OXNAD1: variants seen among roughly 807,000 people sequenced by gnomAD.
OXNAD1 encodes oxidoreductase NAD binding domain containing 1, also known as oxidoreductase NAD-binding domain-containing protein 1.
In OXNAD1, 34 loss-of-function variants were observed where a neutral mutation model predicts 32.9. The ratio of observed to expected loss-of-function variants is 1.03; its 90% CI spans 0.79 to 1.38. OXNAD1 has a LOEUF of 1.38. Ranked by LOEUF, OXNAD1 falls within the 40% of genes most tolerant of loss-of-function variation. The pLI is 0.00. For missense variants in OXNAD1, 407 were observed against 379.4 expected (o/e 1.07, Z -0.60); for synonymous variants, 134 against 135.2 (o/e 0.99, Z 0.06).
At chr3:16,337,535 A>C (rs997178173), downstream of OXNAD1, among the ~76,000 whole-genome samples, 5 of 152,106 alleles carry the variant, frequency 3.3e-5, no homozygotes, top group African/African-American at 1.2e-4. This position sits in a 1 kb window ranked among gnomAD's most constrained non-coding sequence, Gnocchi z 5.0. Context: ...TGAGGTCAGG[A>C]GATCGAGACC....
At chr3:16,283,053 A>T (rs1470832655) in intron 4 of OXNAD1, among the ~76,000 whole-genome samples, 15 of 152,048 alleles carry the variant, frequency 9.9e-5, no homozygotes, top group Admixed American at 9.8e-4. Flanking sequence ...AAATTTATGG[A>T]ATTTGGCTGT....
rs1052236364 is a variant in OXNAD1 at position 16,317,919 on chromosome 3, G to T, written c.*30+14327G>T. Among the ~76,000 whole-genome samples the T allele has an allele frequency of 1.3e-5, 2 of 152,158 alleles. No individual in the cohort carries two copies. Among genetic ancestry groups the T allele is most frequent in the Non-Finnish European group, 2.9e-5 (2 of 68,032 alleles). On this transcript the variant is annotated intron_variant, in intron 9 of 9. Transcript: ENST00000435829. This position sits in a 1 kb window ranked among gnomAD's most constrained non-coding sequence, Gnocchi z 4.3. ...GCCATCCCAGCTCCAAGCCAACCTGGGGGATTGTGACTGCATCACAGCCCA... is the reference window on the plus strand; with the variant it reads ...GCCATCCCAGCTCCAAGCCAACCTGTGGGATTGTGACTGCATCACAGCCCA...
At chr3:16,333,195 T>A (rs1306764436) in intron 9 of OXNAD1, among the ~76,000 whole-genome samples, 1 of 152,098 alleles carries the variant, frequency 6.6e-6, no homozygotes, top group Non-Finnish European at 1.5e-5. Flanking sequence ...AACAGCTAAA[T>A]CACCAACAAA....
rs2066289041 is a variant in OXNAD1 at position 16,289,561 on chromosome 3, C to G, written c.290+3113C>G. Among the ~76,000 whole-genome samples the G allele has an allele frequency of 6.6e-6, 1 of 152,210 alleles. No individual in the cohort carries two copies. Among genetic ancestry groups the G allele is most frequent in the Admixed American group, 6.5e-5 (1 of 15,290 alleles). The stretch of plus-strand genomic sequence containing the variant: ...AAGATTAGAGAAATAAGACTTTATA[C>G]CTACCCTTGAGCAGGGCTGCCACAC... On this transcript the variant is annotated intron_variant, in intron 5 of 8. Transcript: ENST00000285083. The surrounding 1 kb of genome is among the most constrained non-coding windows in gnomAD (Gnocchi z 4.9).
chr3:16,309,985 CAG>C (rs1227482747), downstream of OXNAD1, among the ~76,000 whole-genome samples: 5 of 152,086 alleles, frequency 3.3e-5, no homozygotes, highest in African/African-American at 1.2e-4. Flanking sequence ...CTGGGGTTGA[CAG>C]AATAAGAAGA....
rs554684396 is a variant in OXNAD1 at position 16,335,969 on chromosome 3, C to T, written c.*31-1143C>T. 4.6e-5 allele frequency among the ~76,000 whole-genome samples: 7 copies of T among 152,298 alleles called. No homozygotes were observed. The highest frequency in any genetic ancestry group is 1.9e-4 in the East Asian group (1 of 5,178). Reference sequence around the variant, plus strand: ...GTGCAGAGGAGGCAGAGCATGCTGGCGCCTTCTCAGGGCTGCCTGGGCCCT... The same window carrying T: ...GTGCAGAGGAGGCAGAGCATGCTGGTGCCTTCTCAGGGCTGCCTGGGCCCT... On this transcript the variant is annotated intron_variant, in intron 9 of 9. Coordinates refer to the OXNAD1 transcript ENST00000435829. This position sits in a 1 kb window ranked among gnomAD's most constrained non-coding sequence, Gnocchi z 4.7.
At chr3:16,279,188 G>A (rs1468651633) in intron 4 of OXNAD1, among the ~76,000 whole-genome samples, 1 of 152,210 alleles carries the variant, frequency 6.6e-6, no homozygotes, top group East Asian at 1.9e-4. Flanking sequence ...AGAGCAGGTG[G>A]AGAGAAACCT....
rs2069812361 is a variant in OXNAD1 at position 16,327,358 on chromosome 3, A to G, written c.*31-9754A>G. 6.6e-6 allele frequency among the ~76,000 whole-genome samples: 1 copy of G among 152,212 alleles called. No individual in the cohort carries two copies. Among genetic ancestry groups the G allele is most frequent in the Admixed American group, 6.5e-5 (1 of 15,282 alleles). On this transcript the variant is annotated intron_variant, in intron 9 of 9. Transcript: ENST00000435829. This position sits in a 1 kb window ranked among gnomAD's most constrained non-coding sequence, Gnocchi z 4.2. ...CATCCACATGTGTGTGTACACGCAG[A>G]AGCTGCTTTGCCTGTGTTATGTGCC...
At position 16,303,698 on chromosome 3, in the gene OXNAD1, G is replaced by A. The variant is rs115099667; in HGVS notation, c.*136G>A. 8.1e-6 allele frequency: 8 copies of A among 993,360 alleles called. No homozygotes were observed. Among genetic ancestry groups the A allele is most frequent in the South Asian group, 2.4e-5 (1 of 41,824 alleles). 61.5% of individuals were successfully genotyped at this position (993,360 alleles called of 1,614,324 possible). Reference sequence around the variant, plus strand: ...AAGGCTATAAACTTAGTGACCAGCTGGATAATAAAAGCCAGCTGGCAGACT... The same window carrying A: ...AAGGCTATAAACTTAGTGACCAGCTAGATAATAAAAGCCAGCTGGCAGACT... On this transcript the variant is annotated 3_prime_UTR_variant, in exon 9 of 9. Coordinates refer to ENST00000285083, the MANE Select transcript of OXNAD1 (RefSeq NM_138381.5). This position sits in a 1 kb window ranked among gnomAD's most constrained non-coding sequence, Gnocchi z 4.8.
Position 16,334,262 on chromosome 3 carries a change from G to A in OXNAD1, c.*31-2850G>A, listed in dbSNP as rs1247647209. 2.6e-5 allele frequency among the ~76,000 whole-genome samples: 4 copies of A among 152,174 alleles called. No individual in the cohort carries two copies. Among genetic ancestry groups the A allele is most frequent in the African/African-American group, 4.8e-5 (2 of 41,442 alleles). On this transcript the variant is annotated intron_variant, in intron 9 of 9. Transcript: ENST00000435829. The surrounding 1 kb of genome is among the most constrained non-coding windows in gnomAD (Gnocchi z 4.3). Reference sequence around the variant, plus strand: ...TAAAAACCCAAAAGTTAGGCAGCCCGCTTTGTTGCCAAGGCCGTGGGGAAG... The same window carrying A: ...TAAAAACCCAAAAGTTAGGCAGCCCACTTTGTTGCCAAGGCCGTGGGGAAG...
Position 16,329,777 on chromosome 3 carries a change from T to C in OXNAD1, c.*31-7335T>C, listed in dbSNP as rs559247904. ...ATAACCTTCCCACTTTATCAAGCAC[T>C]GTGACAAACCCGCCACAATCAGACA... On this transcript the variant is annotated intron_variant, in intron 9 of 9. Coordinates refer to the OXNAD1 transcript ENST00000435829. The surrounding 1 kb of genome is among the most constrained non-coding windows in gnomAD (Gnocchi z 4.5). 1.6e-4 allele frequency among the ~76,000 whole-genome samples: 25 copies of C among 152,052 alleles called. No individual in the cohort carries two copies. Among genetic ancestry groups the C allele is most frequent in the African/African-American group, 4.6e-4 (19 of 41,466 alleles).
intron 9 of OXNAD1, among the ~76,000 whole-genome samples, chr3:16,318,853 A>G (rs889484093): frequency 1.3e-5 from 2 of 152,172 alleles, no homozygotes; most frequent in African/African-American, 2.4e-5. Context: ...AGATGGGTGG[A>G]GCTTCTTCCA....
At chr3:16,318,814 C>G (rs1430310690) in intron 9 of OXNAD1, among the ~76,000 whole-genome samples, 1 of 152,188 alleles carries the variant, frequency 6.6e-6, no homozygotes, top group Non-Finnish European at 1.5e-5. Flanking sequence ...TGAAATGTCT[C>G]GTACTGTAGC....
At chr3:16,331,956 G>C (rs1364664727) in intron 9 of OXNAD1, among the ~76,000 whole-genome samples, 1 of 152,204 alleles carries the variant, frequency 6.6e-6, no homozygotes, top group Non-Finnish European at 1.5e-5. Context: ...GTTTCTAGAT[G>C]TCAGCAATGC....
At position 16,270,900 on chromosome 3, in the gene OXNAD1, A is replaced by C. The variant is rs1315902677; in HGVS notation, c.-8-45A>C. 4 of 1,611,668 alleles carry C rather than the reference A, an allele frequency of 2.5e-6. No homozygotes were observed. The Admixed American group carries it at 6.7e-5, about 27-fold the overall frequency. On this transcript the variant is annotated intron_variant, in intron 2 of 8. Coordinates refer to ENST00000285083, the MANE Select transcript of OXNAD1 (RefSeq NM_138381.5). ...CTCTAAAATAGTCTGATATTTCCCC[A>C]CTTTTAAAAAAACAATTTGAAATTT...
chr3:16,311,651 T>C (rs1198688901), intron 9 of OXNAD1, among the ~76,000 whole-genome samples: 1 of 152,176 alleles, frequency 6.6e-6, no homozygotes, highest in African/African-American at 2.4e-5. Flanking sequence ...CCAGTCACTT[T>C]TGCTTCTGAA....
At chr3:16,319,253 T>C (rs2068776924) in intron 9 of OXNAD1, among the ~76,000 whole-genome samples, 2 of 152,330 alleles carry the variant, frequency 1.3e-5, no homozygotes, top group South Asian at 2.1e-4. Flanking sequence ...CGAGAGGCAG[T>C]TGGCTCTCAG....
chr3:16,315,540 A>AAAAAAC (rs1251640192), intron 9 of OXNAD1: 64 of 152,348 alleles, frequency 4.2e-4, no homozygotes, highest in African/African-American at 1.4e-3. Flanking sequence ...TTTGTTAGAC[A>AAAAAAC]CTGATGTAAG....
At chr3:16,331,100 G>A (rs916017994) in intron 9 of OXNAD1, among the ~76,000 whole-genome samples, 2 of 152,242 alleles carry the variant, frequency 1.3e-5, no homozygotes, top group South Asian at 2.1e-4. Flanking sequence ...CTCCATACCT[G>A]AGAAAAGTGA....
Sources: gnomAD v4.1 joint callset for allele counts (sites outside exome capture counted in the v4.1 genomes callset) on GRCh38, gnomAD v4.1.1 for gene constraint, Gnocchi (gnomAD v3.1) non-coding constraint, MANE v1.5 for transcripts, NCBI Gene and HGNC (gene_info 2026-07-23, HGNC 2026-07-21) for gene names.